The following CELSR1 variants were observed in gnomAD, a reference collection of about 807,000 sequenced individuals.
CELSR1 encodes adhesion G protein-coupled receptor C1.
In CELSR1, 110 loss-of-function variants were observed where a neutral mutation model predicts 249.1. The observed-to-expected ratio is 0.44, with a 90% CI of 0.38 to 0.52. CELSR1 has a LOEUF of 0.52. Among genes scored for constraint, CELSR1 ranks in the 20% least tolerant of loss-of-function variants. CELSR1 has a pLI of 0.00. For synonymous variants in CELSR1, 2,113 were observed against 1,900.0 expected, an observed-to-expected ratio of 1.11 and a Z score of -2.92; for missense variants, 4,109 against 4,296.4, an observed-to-expected ratio of 0.96 and a Z score of 1.22.
intron 2 of CELSR1, among the ~76,000 whole-genome samples, chr22:46,461,286 G>A (rs2147573170): frequency 6.6e-6 from 1 of 152,352 alleles, no homozygotes; most frequent in South Asian, 2.1e-4. Flanking sequence ...ATCATTACAT[G>A]TTAGTGGGTC....
Position 46,494,072 on chromosome 22 carries a change from G to A in CELSR1, c.3545-29727C>T, listed in dbSNP as rs1028362809. On this transcript the variant is annotated intron_variant, in intron 1 of 34. Coordinates refer to ENST00000674500, the MANE Select transcript of CELSR1 (RefSeq NM_001378328.1). ...AGGCAGACACACAATCTACCCTCGCGGAGGACAATTCAGCTCTATGATTTC... is the reference window on the plus strand; with the variant it reads ...AGGCAGACACACAATCTACCCTCGCAGAGGACAATTCAGCTCTATGATTTC... Among the ~76,000 whole-genome samples the A allele has an allele frequency of 5.3e-5, 8 of 152,164 alleles. No homozygotes were observed. In the South Asian group the frequency reaches 6.2e-4, roughly 12 times the overall value.
At position 46,464,077 on chromosome 22, in the gene CELSR1, G is replaced by A. The variant is rs760820736; in HGVS notation, c.3813C>T (p.Arg1271=). 3.9e-5 allele frequency: 63 copies of A among 1,613,680 alleles called. No homozygotes were observed. In the Middle Eastern group the frequency reaches 4.9e-4, roughly 13 times the overall value. Residue 1271 remains arginine, a synonymous_variant, in exon 2 of 35, where the codon CGC becomes CGT. Coordinates refer to ENST00000674500, the MANE Select transcript of CELSR1 (RefSeq NM_001378328.1). The surrounding 1 kb of genome is among the most constrained non-coding windows in gnomAD (Gnocchi z 8.5). ...TFSALLPGGV[R]GQFFPSEDLQ... ...GGTCCTCCGACGGGAAGAACTGGCC[G>A]CGGACGCCGCCAGGCAGCAGCGCCG...
intron 2 of CELSR1, among the ~76,000 whole-genome samples, chr22:46,456,495 T>TA (rs200508363): frequency 4.9e-4 from 73 of 149,926 alleles, no homozygotes; most frequent in African/African-American, 1.2e-3. Flanking sequence ...CCGTCTCTAC[T>TA]AAAAAAAAAT....
At chr22:46,372,741 G>T in intron 25 of CELSR1, 142 bp downstream of exon 25, 1 of 1,062,330 alleles carries the variant, frequency 9.4e-7, no homozygotes, top group Non-Finnish European at 1.3e-6. Flanking sequence ...CACTCGCAGT[G>T]TGCAGGGCCG....
At chr22:46,366,876 A>G (rs1337714795) in intron 29 of CELSR1, 117 bp downstream of exon 29, 2 of 1,393,190 alleles carry the variant, frequency 1.4e-6, no homozygotes, top group Non-Finnish European at 1.9e-6. Context: ...CGGCTCTGCC[A>G]TCCCCACCGT....
In CELSR1 at chr22:46,536,606, G is replaced by A; in HGVS notation, c.565C>T (p.Arg189Cys). 8.5e-7 allele frequency: 1 copy of A among 1,179,162 alleles called. No homozygotes were observed. Among genetic ancestry groups the A allele is most frequent in the Non-Finnish European group, 1.0e-6 (1 of 956,664 alleles). The allele number at this position is 1,179,162 out of a possible 1,614,324, so 73.0% of individuals were successfully genotyped here. A position where few individuals can be genotyped will look rare whatever the true frequency, so the allele number is the denominator to read the frequency against. Residue 189 changes from arginine to cysteine, a missense_variant, in exon 1 of 35, where the codon CGC (arginine) becomes TGC (cysteine). By Grantham distance (180) the Arg-to-Cys change is radical. This residue lies in a region of CELSR1 where 673 missense variants were observed against 636.8 expected (regional missense o/e 1.06). Coordinates refer to ENST00000674500, the MANE Select transcript of CELSR1 (RefSeq NM_001378328.1). ...VRLRLLCALR[R>C]AAGAVRVGLA... is the part of the protein sequence containing the mutation. ...CCCACCCGGACGGCGCCAGCCGCGC[G>A]CCGCAGGGCGCACAGCAGACGCAGG...
At chr22:46,369,976 G>T in intron 25 of CELSR1, 172 bp from the exon 26 acceptor site, 4 of 679,080 alleles carry the variant, frequency 5.9e-6, no homozygotes, top group Non-Finnish European at 1.1e-5. Context: ...CAGTCTCTCC[G>T]TGTAGGGTCT....
At chr22:46,491,720 C>T (rs2080369517) in intron 1 of CELSR1, among the ~76,000 whole-genome samples, 1 of 149,484 alleles carries the variant, frequency 6.7e-6, no homozygotes, top group African/African-American at 2.5e-5. Context: ...CTGCAATGTT[C>T]ACCTCCCGAA....
At position 46,377,079 on chromosome 22, in the gene CELSR1, G is replaced by A; in HGVS notation, c.7566C>T (p.Ile2522=). 2 of 1,613,252 alleles carry A rather than the reference G, an allele frequency of 1.2e-6. No individual in the cohort carries two copies. The highest frequency in any genetic ancestry group is 1.7e-6 in the Non-Finnish European group (2 of 1,179,854). The part of the protein sequence containing the change: ...FLSQLVFVIG[I]NQTENPFLCT... ...GCCATACCGGGTTTTCCGTCTGGTT[G>A]ATCCCAATCACGAACACCAGCTGAG... The change falls in exon 24 of 35, where the codon ATC becomes ATT. Residue 2522 remains isoleucine, a synonymous_variant. Coordinates refer to ENST00000674500, the MANE Select transcript of CELSR1 (RefSeq NM_001378328.1).
At chr22:46,529,902 T>C (rs772791564) in intron 1 of CELSR1, among the ~76,000 whole-genome samples, 4 of 152,050 alleles carry the variant, frequency 2.6e-5, no homozygotes, top group South Asian at 4.1e-4. Context: ...AAGAGTATAA[T>C]TGGACTGTTT....
intron 9 of CELSR1, among the ~76,000 whole-genome samples, chr22:46,400,596 G>A (rs1024731484): frequency 5.3e-5 from 8 of 152,290 alleles, no homozygotes; most frequent in South Asian, 2.1e-4. Flanking sequence ...AGCCGAGATC[G>A]CGCCACTGCA....
At position 46,361,631 on chromosome 22, in the gene CELSR1, CTCCTG is replaced by C. The variant is rs1386215838; in HGVS notation, c.*1587_*1591del. ...GAGGACTCTGGGATCTCATTTCATC[CTCCTG>C]TCCTGGACCATTTTCAGATACGCTT... On this transcript the variant is annotated 3_prime_UTR_variant, in exon 35 of 35. Coordinates refer to ENST00000674500, the MANE Select transcript of CELSR1 (RefSeq NM_001378328.1). The C allele has an allele frequency of 6.6e-6, 1 of 152,236 alleles. No individual in the cohort carries two copies. The highest frequency in any genetic ancestry group is 2.4e-5 in the African/African-American group (1 of 41,462). The allele number at this position is 152,236 out of a possible 1,614,324, so 9.4% of individuals were successfully genotyped here. A position where few individuals can be genotyped will look rare whatever the true frequency, so the allele number is the denominator to read the frequency against.
chr22:46,492,032 C>G (rs2080372306), intron 1 of CELSR1, among the ~76,000 whole-genome samples: 1 of 152,228 alleles, frequency 6.6e-6, no homozygotes, highest in South Asian at 2.1e-4. Flanking sequence ...TAGCAAAAGG[C>G]TGGGCAAGGC....
In CELSR1 at chr22:46,367,020, G is replaced by A. The variant is rs146525618; in HGVS notation, c.8178C>T (p.Ser2726=). ...TCAGCAGGGTGGCCCTGGTGGTGGCGGAGTCCTCCAGGTGCAGCTTCCTCC... is the reference window on the plus strand; with the variant it reads ...TCAGCAGGGTGGCCCTGGTGGTGGCAGAGTCCTCCAGGTGCAGCTTCCTCC... The part of the protein sequence containing the change: ...LGGRKLHLED[S]ATTRATLLTR... The change falls in exon 29 of 35, where the codon TCC becomes TCT. Residue 2726 remains serine (S), a synonymous_variant. Coordinates refer to ENST00000674500, the MANE Select transcript of CELSR1 (RefSeq NM_001378328.1). 5.0e-5 allele frequency: 81 copies of A among 1,610,200 alleles called. 1 individual carries two copies. The highest frequency in any genetic ancestry group is 3.7e-4 in the South Asian group (34 of 90,686).
At position 46,506,398 on chromosome 22, in the gene CELSR1, T is replaced by G. The variant is rs2080515678; in HGVS notation, c.3544+27229A>C. ...CTCAGACTTACTGAGCCCCTCAGTT[T>G]CCCAGATCTCAGACTTGGGCTCAAC... On this transcript the variant is annotated intron_variant, in intron 1 of 34. Transcript: ENST00000674500. The surrounding 1 kb of genome is among the most constrained non-coding windows in gnomAD (Gnocchi z 4.1). Among the ~76,000 whole-genome samples, 1 of 152,098 alleles carries G rather than the reference T, an allele frequency of 6.6e-6. No homozygotes were observed. Among genetic ancestry groups the G allele is most frequent in the East Asian group, 1.9e-4 (1 of 5,176 alleles).
At chr22:46,521,538 G>A (rs919348666) in intron 1 of CELSR1, among the ~76,000 whole-genome samples, 13 of 151,328 alleles carry the variant, frequency 8.6e-5, no homozygotes, top group Admixed American at 5.9e-4. Context: ...CAGTCAGGCC[G>A]GACACAGTGG....
chr22:46,459,980 G>A (rs2080002219), intron 2 of CELSR1, among the ~76,000 whole-genome samples: 1 of 152,322 alleles, frequency 6.6e-6, no homozygotes, highest in Non-Finnish European at 1.5e-5. Flanking sequence ...GCCAAGGCAG[G>A]CGAATCACCT....
chr22:46,509,658 G>T (rs2080552433), intron 1 of CELSR1, among the ~76,000 whole-genome samples: 3 of 152,160 alleles, frequency 2.0e-5, no homozygotes, highest in African/African-American at 2.4e-5. Flanking sequence ...CAGCGGTGCT[G>T]GGGGAGACCC....
rs1447508792 is a variant in CELSR1, at chr22:46,473,050, GGA to G, written c.3545-8707_3545-8706del. ...GTCAACCCCGGGAATGCAGAGTAGC[GGA>G]GAGACACGGGCACGGAGGCAGGGGG... On this transcript the variant is annotated intron_variant, in intron 1 of 34. Transcript: ENST00000674500. This position sits in a 1 kb window ranked among gnomAD's most constrained non-coding sequence, Gnocchi z 6.6. Among the ~76,000 whole-genome samples, 2 of 152,108 alleles carry G rather than the reference GGA, an allele frequency of 1.3e-5. No homozygotes were observed.
Sources: allele counts gnomAD v4.1 joint callset (sites outside exome capture counted in the v4.1 genomes callset), GRCh38; gene constraint gnomAD v4.1.1; regional missense constraint gnomAD v4.1.1; non-coding constraint Gnocchi (gnomAD v3.1); transcripts MANE v1.5; gene names NCBI Gene and HGNC (gene_info 2026-07-23, HGNC 2026-07-21).